The following PRKD3 variants were observed in gnomAD, a reference collection of about 807,000 sequenced individuals.
PRKD3 encodes protein kinase D3.
Under a neutral mutation model 99.2 loss-of-function variants are expected in PRKD3, and 47 were observed. The ratio of observed to expected loss-of-function variants is 0.47; its 90% CI spans 0.38 to 0.60. The LOEUF is 0.60. Among genes scored for constraint, PRKD3 ranks in the 20% least tolerant of loss-of-function variants. The pLI is 0.00. For missense variants in PRKD3, 1,019 were observed against 1,088.4 expected, an observed-to-expected ratio of 0.94 and a Z score of 0.90; for synonymous variants, 392 against 355.4, an observed-to-expected ratio of 1.10 and a Z score of -1.16.
rs905939946 is a variant in PRKD3, at chr2:37,317,158, T to G, written c.-634A>C. On this transcript the variant is annotated 5_prime_UTR_variant, in exon 2 of 19. Transcript: ENST00000234179. ...GAATGGGTCCATCGAGAAAAGCTGA[T>G]GCTTTCTGACATATAGTTAGCCTGG... 1.0e-6 allele frequency: 1 copy of G among 984,528 alleles called. No homozygotes were observed. 61.0% of individuals were successfully genotyped at this position (984,528 alleles called of 1,614,324 possible). A position where few individuals can be genotyped will look rare whatever the true frequency, so the allele number is the denominator to read the frequency against.
intron 1 of PRKD3, among the ~76,000 whole-genome samples, chr2:37,322,466 TGA>T (rs1458082705): frequency 1.3e-5 from 2 of 152,250 alleles, no homozygotes; most frequent in Non-Finnish European, 2.9e-5. Context: ...CAGAGAGTAC[TGA>T]GAGAGCACAC....
In PRKD3 at chr2:37,252,149, C is replaced by G. The variant is rs1667550966; in HGVS notation, c.*1028G>C. On this transcript the variant is annotated 3_prime_UTR_variant, in exon 19 of 19. Coordinates refer to ENST00000234179, the MANE Select transcript of PRKD3 (RefSeq NM_005813.6). ...GCTTAAAATAATTGACTTTAAAACACTCCAGATATCTGCAAAGCCCAATAG... is the reference window on the plus strand; with the variant it reads ...GCTTAAAATAATTGACTTTAAAACAGTCCAGATATCTGCAAAGCCCAATAG... 6.6e-6 allele frequency: 1 copy of G among 152,168 alleles called. No individual in the cohort carries two copies. Among genetic ancestry groups the G allele is most frequent in the Non-Finnish European group, 1.5e-5 (1 of 68,042 alleles). The allele number at this position is 152,168 out of a possible 1,614,324, so 9.4% of individuals were successfully genotyped here.
At chr2:37,303,168 G>A (rs878878410) in intron 2 of PRKD3, among the ~76,000 whole-genome samples, 7 of 151,968 alleles carry the variant, frequency 4.6e-5, no homozygotes, top group South Asian at 2.1e-4. Context: ...GGGAAGAGCC[G>A]CTGGACCTCA....
At chr2:37,284,964 ATATGCT>A (rs1670024900) in intron 6 of PRKD3, among the ~76,000 whole-genome samples, 1 of 152,132 alleles carries the variant, frequency 6.6e-6, no homozygotes, top group African/African-American at 2.4e-5. Context: ...TTATTTTCTT[ATATGCT>A]TAAGCTTATA....
At chr2:37,307,088 C>G (rs1671201118) in intron 2 of PRKD3, among the ~76,000 whole-genome samples, 1 of 152,162 alleles carries the variant, frequency 6.6e-6, no homozygotes, top group Admixed American at 6.5e-5. Context: ...CTTCCTTGCC[C>G]TCTATCCACT....
At chr2:37,296,118 T>C (rs984004665) in intron 2 of PRKD3, among the ~76,000 whole-genome samples, 2 of 152,196 alleles carry the variant, frequency 1.3e-5, no homozygotes, top group Non-Finnish European at 2.9e-5. Context: ...ACAAGGAAAT[T>C]TCTCTCCAGA....
intron 2 of PRKD3, among the ~76,000 whole-genome samples, chr2:37,315,789 C>A (rs1671630989): frequency 6.6e-6 from 1 of 152,226 alleles, no homozygotes; most frequent in Non-Finnish European, 1.5e-5. Context: ...GGCGCTATCT[C>A]AGCTCACTGC....
At chr2:37,264,724 C>G (rs946063331) in intron 14 of PRKD3, among the ~76,000 whole-genome samples, 10 of 151,772 alleles carry the variant, frequency 6.6e-5, no homozygotes, top group African/African-American at 2.4e-4. Context: ...GCAAGAAAGT[C>G]AACATGGCTA....
chr2:37,271,643 T>G (rs1394181511), intron 12 of PRKD3, among the ~76,000 whole-genome samples: 2 of 151,812 alleles, frequency 1.3e-5, no homozygotes, highest in East Asian at 1.9e-4. Context: ...AGGCATTAGA[T>G]TCTCAGAGGA....
chr2:37,290,983 T>G lies in PRKD3; in HGVS notation c.444A>C (p.Glu148Asp). ...GAGTATGTGGACGAATCTGGAAGTC[T>G]TCTACTGTGGCTAAAGCTTTAAAAA... ...EVVLSALATV[E>D]DFQIRPHTLY... The change falls in exon 4 of 19, where the codon GAA becomes GAC. Residue 148 changes from glutamate to aspartate, a missense_variant. This residue lies in a region of PRKD3 where 710 missense variants were observed against 692.7 expected (regional missense o/e 1.02). Transcript: ENST00000234179. 2.5e-6 allele frequency: 4 copies of G among 1,607,702 alleles called. No individual in the cohort carries two copies. Among genetic ancestry groups the G allele is most frequent in the Non-Finnish European group, 3.4e-6 (4 of 1,176,854 alleles).
chr2:37,300,061 T>G (rs1279747422), intron 2 of PRKD3, among the ~76,000 whole-genome samples: 1 of 152,070 alleles, frequency 6.6e-6, no homozygotes, highest in African/African-American at 2.4e-5. Context: ...CAAAAAGATA[T>G]CCGCGATCCC....
chr2:37,323,202 A>G (rs1284952645), intron 1 of PRKD3, among the ~76,000 whole-genome samples: 1 of 150,676 alleles, frequency 6.6e-6, no homozygotes, highest in Non-Finnish European at 1.5e-5. Context: ...ATTTTCTCTA[A>G]AAGACTTACC....
intron 4 of PRKD3, 127 bp from the exon 5 acceptor site, chr2:37,289,640 A>T: frequency 1.4e-6 from 1 of 738,048 alleles, no homozygotes; most frequent in Non-Finnish European, 2.1e-6. Flanking sequence ...CCTAATTAAG[A>T]ACCCAGACAG....
chr2:37,289,253 C>T, intron 5 of PRKD3, 103 bp downstream of exon 5: 1 of 1,325,984 alleles, frequency 7.5e-7, no homozygotes, highest in South Asian at 1.5e-5. Context: ...AGGAACATTA[C>T]CATTCTTTAG....
chr2:37,301,724 A>C (rs1670940448), intron 2 of PRKD3, among the ~76,000 whole-genome samples: 1 of 152,228 alleles, frequency 6.6e-6, no homozygotes, highest in African/African-American at 2.4e-5. Context: ...TGGTGTATAT[A>C]TATCCCTTCT....
At chr2:37,269,837 C>T (rs1467345544) in intron 12 of PRKD3, 150 bp from the exon 13 acceptor site, 5 of 621,838 alleles carry the variant, frequency 8.0e-6, no homozygotes, top group Non-Finnish European at 1.4e-5. Context: ...AAAACACAGG[C>T]TTTCTATGTT....
At position 37,316,343 on chromosome 2, in the gene PRKD3, G is replaced by C; in HGVS notation, c.182C>G (p.Ser61Ter). The C allele has an allele frequency of 1.2e-6, 2 of 1,614,214 alleles. No homozygotes were observed. Among genetic ancestry groups the C allele is most frequent in the Non-Finnish European group, 1.7e-6 (2 of 1,180,028 alleles). ...TNSRGSVHTV[S>*]FLLQIGLTRE... ...TGTGAGGCCAATTTGCAGTAGAAAT[G>C]AAACTGTATGCACTGAGCCTCTGGA... The change falls in exon 2 of 19, where the codon TCA (serine) becomes TGA (stop). Residue 61 changes from serine to a stop codon, truncating the protein, a stop_gained. Transcript: ENST00000234179. LOFTEE classifies it high-confidence loss of function.
intron 1 of PRKD3, among the ~76,000 whole-genome samples, chr2:37,318,840 G>A (rs755904446): frequency 1.2e-4 from 18 of 152,210 alleles, no homozygotes; most frequent in Non-Finnish European, 2.1e-4. Context: ...ATGGCCTGGA[G>A]ATTTGTAGAG....
chr2:37,324,523 C>A (rs1328116403), intron 1 of PRKD3, among the ~76,000 whole-genome samples, 158 bp downstream of exon 1: 1 of 142,226 alleles, frequency 7.0e-6, no homozygotes, highest in Non-Finnish European at 1.5e-5. Flanking sequence ...CGAGTCCTGT[C>A]GCCGCCGCCG....
Sources: gnomAD v4.1 joint callset for allele counts (sites outside exome capture counted in the v4.1 genomes callset) on GRCh38, gnomAD v4.1.1 for gene constraint, gnomAD v4.1.1 regional missense constraint, MANE v1.5 for transcripts, NCBI Gene and HGNC (gene_info 2026-07-23, HGNC 2026-07-21) for gene names.